Variants in NXPE2 observed in about 807,000 individuals in gnomAD.
The protein encoded by NXPE2 is NXPE family member 2.
A neutral mutation model predicts 34.4 loss-of-function variants in NXPE2; 34 were observed. That is an observed-to-expected ratio of 0.99 (90% confidence interval 0.75 to 1.31). The LOEUF is 1.31. Ranked by LOEUF, NXPE2 falls within the 40% of genes most tolerant of loss-of-function variation. NXPE2 has a pLI of 0.00. For missense variants in NXPE2, 649 were observed against 672.5 expected (o/e 0.97, Z 0.39); for synonymous variants, 235 against 231.3 (o/e 1.02, Z -0.15).
the NXPE2 span, among the ~76,000 whole-genome samples, chr11:114,630,812 C>G: frequency 1.3e-5 from 2 of 151,702 alleles, no homozygotes; most frequent in Non-Finnish European, 2.9e-5. Context: ...ACAATGAACT[C>G]AAACAAATTT....
In NXPE2 at chr11:114,698,250, C is replaced by T. The variant is rs765178752; in HGVS notation, c.338C>T (p.Thr113Ile). ...ACCACCACCAGTGCCACACACAGCA[C>T]AGCCACCATCCTCAACCCTCAAGAT... is the stretch of plus-strand genomic sequence containing the variant. ...VNTTTSATHS[T>I]ATILNPQDTY... Residue 113 changes from threonine to isoleucine, a missense_variant, in exon 3 of 6, where the codon ACA becomes ATA. Thr to Ile is a moderately conservative substitution (Grantham distance 89, BLOSUM62 -1). Transcript: ENST00000389586. The T allele has an allele frequency of 1.2e-6, 2 of 1,613,566 alleles. No homozygotes were observed. The highest frequency in any genetic ancestry group is 1.7e-5 in the Admixed American group (1 of 60,002).
chr11:114,538,104 G>C, the NXPE2 span, among the ~76,000 whole-genome samples: 51 of 152,246 alleles, frequency 3.3e-4, no homozygotes, highest in African/African-American at 1.2e-3. Context: ...GAACAGAACA[G>C]AGCCCTCAGA....
the NXPE2 span, chr11:114,582,362 A>G: frequency 1.9e-6 from 3 of 1,614,050 alleles, no homozygotes; most frequent in Non-Finnish European, 2.5e-6. Context: ...GAGTGAGTGC[A>G]GCACAGGGCA....
chr11:114,604,905 G>A, the NXPE2 span, among the ~76,000 whole-genome samples: 1 of 151,948 alleles, frequency 6.6e-6, no homozygotes, highest in Non-Finnish European at 1.5e-5. Context: ...GTTACCCGGT[G>A]GATAATTAGT....
chr11:114,477,433 A>G, the NXPE2 span, among the ~76,000 whole-genome samples: 2 of 152,214 alleles, frequency 1.3e-5, no homozygotes, highest in South Asian at 4.1e-4. Flanking sequence ...TTCACAATGT[A>G]TACATATATC....
the NXPE2 span, among the ~76,000 whole-genome samples, chr11:114,776,879 G>A: frequency 6.6e-6 from 1 of 152,134 alleles, no homozygotes; most frequent in Non-Finnish European, 1.5e-5. Flanking sequence ...CATGACAAAA[G>A]AACTAACAGC....
At chr11:114,632,714 AATATATATAAT>A in the NXPE2 span, among the ~76,000 whole-genome samples, 2 of 74,068 alleles carry the variant, frequency 2.7e-5, no homozygotes, top group Non-Finnish European at 4.6e-5. Context: ...AATATAATAT[AATATATATAAT>A]ATATAATATA....
At chr11:114,761,662 C>T in the NXPE2 span, among the ~76,000 whole-genome samples, 7 of 150,616 alleles carry the variant, frequency 4.6e-5, no homozygotes, top group Admixed American at 2.7e-4. Context: ...CAAGCTCCGC[C>T]TCCCGGGTTC....
At chr11:114,700,326 C>G (rs895622815) in intron 3 of NXPE2, among the ~76,000 whole-genome samples, 2 of 152,038 alleles carry the variant, frequency 1.3e-5, no homozygotes, top group Non-Finnish European at 2.9e-5. Context: ...CAGTTTCAAA[C>G]GTGATGGTTG....
At chr11:114,785,499 C>T in the NXPE2 span, among the ~76,000 whole-genome samples, 6 of 152,234 alleles carry the variant, frequency 3.9e-5, no homozygotes, top group Admixed American at 3.9e-4. Flanking sequence ...ATCAATGGCT[C>T]AGTTAATTAA....
the NXPE2 span, among the ~76,000 whole-genome samples, chr11:114,546,059 T>C: frequency 6.6e-6 from 1 of 152,172 alleles, no homozygotes; most frequent in African/African-American, 2.4e-5. Context: ...TAGAACACAG[T>C]GTTTTAACTG....
chr11:114,688,495 T>C (rs1951087582), intron 2 of NXPE2, among the ~76,000 whole-genome samples: 1 of 152,140 alleles, frequency 6.6e-6, no homozygotes, highest in South Asian at 2.1e-4. Flanking sequence ...GCTAGTATTT[T>C]ATCAAGGAGT....
At chr11:114,642,777 C>T in the NXPE2 span, among the ~76,000 whole-genome samples, 1 of 151,864 alleles carries the variant, frequency 6.6e-6, no homozygotes, top group African/African-American at 2.4e-5. Context: ...GGGTATATAC[C>T]CAGTACTGGG....
chr11:114,771,592 C>T, the NXPE2 span, among the ~76,000 whole-genome samples: 108 of 152,038 alleles, frequency 7.1e-4, no homozygotes, highest in Admixed American at 7.1e-3. Context: ...GGGCAGTGGA[C>T]CCAATTCACT....
chr11:114,581,937 TTGCCTATTAGGCTA>T, the NXPE2 span: 44 of 651,080 alleles, frequency 6.8e-5, 1 homozygote, highest in Middle Eastern at 2.0e-3. Context: ...TTCCATTTCT[TTGCCTATTAGGCTA>T]TGGGATACAG....
chr11:114,775,202 G>A, the NXPE2 span, among the ~76,000 whole-genome samples: 645 of 152,300 alleles, frequency 4.2e-3, 4 homozygotes, highest in African/African-American at 0.014. Flanking sequence ...CTTCCTCCAG[G>A]TCCGCCTTCA....
chr11:114,592,089 C>T, the NXPE2 span, among the ~76,000 whole-genome samples: 1 of 152,078 alleles, frequency 6.6e-6, no homozygotes, highest in African/African-American at 2.4e-5. Context: ...GTGAAAAAGT[C>T]AAAAGCCTTC....
chr11:114,651,999 G>A, the NXPE2 span, among the ~76,000 whole-genome samples: 15,014 of 152,254 alleles, frequency 0.099, 934 homozygotes, highest in African/African-American at 0.17. Flanking sequence ...CCAGGTTGAA[G>A]TGGAACTTGA....
the NXPE2 span, among the ~76,000 whole-genome samples, chr11:114,803,482 G>A: frequency 6.6e-6 from 1 of 152,200 alleles, no homozygotes; most frequent in Non-Finnish European, 1.5e-5. Flanking sequence ...CAAGGCACTG[G>A]TGGTATCTGG....
Sources: gnomAD v4.1 joint callset for allele counts (sites outside exome capture counted in the v4.1 genomes callset) on GRCh38, gnomAD v4.1.1 for gene constraint, MANE v1.5 for transcripts, NCBI Gene and HGNC (gene_info 2026-07-23, HGNC 2026-07-21) for gene names.